NHSL2: variants seen among roughly 807,000 people sequenced by gnomAD.
NHSL2 encodes NHS-like protein 2.
In NHSL2, 27 loss-of-function variants were observed where a neutral mutation model predicts 53.4. The observed-to-expected ratio is 0.51, with a 90% CI of 0.37 to 0.70. The LOEUF (loss-of-function observed/expected upper bound fraction) is 0.70. NHSL2 is among the 30% of genes least tolerant of loss of function. The pLI is 0.00. For missense variants in NHSL2, 892 were observed against 980.1 expected (o/e 0.91, Z 1.20); for synonymous variants, 408 against 404.1 (o/e 1.01, Z -0.12).
intron 1 of NHSL2, among the ~76,000 whole-genome samples, chrX:71,983,441 CAAA>C (rs55809300): frequency 2.2e-5 from 2 of 91,905 alleles, no homozygotes. Flanking sequence ...CCCACCTCTA[CAAA>C]AAAAAAAAAA....
In NHSL2 at chrX:71,942,972, C is replaced by CTGTGTGTGTGTGTGTGTG. The variant is rs58935869; in HGVS notation, c.280+31623_280+31640dup. 3.2e-3 allele frequency among the ~76,000 whole-genome samples: 238 copies of CTGTGTGTGTGTGTGTGTG among 74,017 alleles called. 2 individuals are homozygous for CTGTGTGTGTGTGTGTGTG. The highest frequency in any genetic ancestry group is 0.013 in the African/African-American group (233 of 18,206). The allele number at this position is 74,017 out of a possible 115,157, so 64.3% of individuals were successfully genotyped here. ...GCTCTCTCTCTCTCTCTCTCTCTCT[C>CTGTGTGTGTGTGTGTGTG]TGTGTGTGTGTGTGTGTGTGTGTGT... On this transcript the variant is annotated intron_variant, in intron 1 of 7. Transcript: ENST00000633930.
At chrX:72,102,463 C>A (rs2042003144) in intron 1 of NHSL2, among the ~76,000 whole-genome samples, 1 of 111,822 alleles carries the variant, frequency 8.9e-6, no homozygotes, top group African/African-American at 3.3e-5. Flanking sequence ...CATTTCACCA[C>A]TCTTAAGATT....
intron 1 of NHSL2, among the ~76,000 whole-genome samples, chrX:72,120,925 C>A (rs187644655): frequency 8.9e-6 from 1 of 112,623 alleles, no homozygotes; most frequent in Non-Finnish European, 1.9e-5. Context: ...CCAAGTGTTG[C>A]TCATTTGTGA....
intron 1 of NHSL2, among the ~76,000 whole-genome samples, chrX:71,920,938 G>A (rs758278367): frequency 9.2e-6 from 1 of 108,862 alleles, no homozygotes; most frequent in Admixed American, 9.7e-5. Flanking sequence ...CTAAGTAGCT[G>A]GGATTACAGG....
intron 1 of NHSL2, among the ~76,000 whole-genome samples, chrX:71,957,299 G>A (rs1235708418): frequency 1.8e-5 from 2 of 112,207 alleles, no homozygotes; most frequent in Non-Finnish European, 3.8e-5. Flanking sequence ...TCATTATGGT[G>A]TGAGCACGTG....
chrX:72,138,289 C>T (rs1253241760), intron 5 of NHSL2, among the ~76,000 whole-genome samples, 152 bp from the exon 6 acceptor site: 1 of 112,469 alleles, frequency 8.9e-6, no homozygotes, highest in African/African-American at 3.2e-5. Flanking sequence ...CCCAATTTCC[C>T]CAGCATCTTC....
chrX:72,128,838 C>CT (rs2042252961), intron 1 of NHSL2: 2 of 113,326 alleles, frequency 1.8e-5, no homozygotes, highest in Admixed American at 1.8e-4. Flanking sequence ...TGACTGGGGG[C>CT]TGCAGTCCAA....
Position 72,144,776 on chromosome X carries a change from G to T in NHSL2, c.*1202G>T. ...GGCTACTTTTTGCCATTTAGGTTCT[G>T]TGTTTGACCAGCTTTCAATTAACCT... On this transcript the variant is annotated 3_prime_UTR_variant, in exon 8 of 8. Coordinates refer to ENST00000633930, the MANE Select transcript of NHSL2 (RefSeq NM_001013627.3). The T allele has an allele frequency of 4.8e-6, 1 of 206,492 alleles. No homozygotes were observed. 17.0% of individuals were successfully genotyped at this position (206,492 alleles called of 1,213,427 possible).
intron 1 of NHSL2, among the ~76,000 whole-genome samples, chrX:72,047,130 C>G (rs2042310117): frequency 9.0e-6 from 1 of 111,242 alleles, no homozygotes; most frequent in Admixed American, 9.5e-5. Context: ...CCCAGCACCC[C>G]CACCCCTGGC....
intron 1 of NHSL2, among the ~76,000 whole-genome samples, chrX:71,949,803 G>A (rs1338056332): frequency 8.9e-6 from 1 of 112,899 alleles, no homozygotes; most frequent in Non-Finnish European, 1.9e-5. Context: ...CAGGCTCATC[G>A]GAAACTCGAA....
rs867252165 is a variant in NHSL2 at position 71,979,780 on chromosome X, T to A, written c.280+68413T>A. ...CTTTAGTTTAATTAGATCCCATTTG[T>A]CAATTTTGGCTTTTGTTGCCATTGC... On this transcript the variant is annotated intron_variant, in intron 1 of 7. Coordinates refer to ENST00000633930, the MANE Select transcript of NHSL2 (RefSeq NM_001013627.3). Among the ~76,000 whole-genome samples, 270 of 111,651 alleles carry A rather than the reference T, an allele frequency of 2.4e-3. 1 individual carries two copies. Among genetic ancestry groups the A allele is most frequent in the Non-Finnish European group, 2.7e-3 (141 of 53,055 alleles).
intron 1 of NHSL2, among the ~76,000 whole-genome samples, chrX:71,932,011 C>G (rs887615110): frequency 1.8e-5 from 2 of 112,507 alleles, no homozygotes; most frequent in Non-Finnish European, 3.7e-5. Flanking sequence ...TGAGCACCTA[C>G]CATGTGCCAG....
At chrX:72,069,539 G>A (rs995138751) in intron 1 of NHSL2, 51 of 359,664 alleles carry the variant, frequency 1.4e-4, no homozygotes, top group Non-Finnish European at 2.2e-4. Context: ...GAAGAGCCAT[G>A]TGTGTGAGAA....
At chrX:71,947,664 A>G (rs1441818124) in intron 1 of NHSL2, among the ~76,000 whole-genome samples, 1 of 112,127 alleles carries the variant, frequency 8.9e-6, no homozygotes, top group Non-Finnish European at 1.9e-5. Context: ...TGATGATGTT[A>G]TTCAAGTTGT....
chrX:72,142,399 G>A, intron 7 of NHSL2, 35 bp downstream of exon 7: 2 of 1,042,530 alleles, frequency 1.9e-6, no homozygotes, highest in South Asian at 2.5e-5. Flanking sequence ...AATTGCAATT[G>A]CCTTCCCTTT....
chrX:72,094,082 CTAGTA>C (rs1271630624), intron 1 of NHSL2, among the ~76,000 whole-genome samples: 1 of 111,307 alleles, frequency 9.0e-6, no homozygotes, highest in Non-Finnish European at 1.9e-5. Context: ...GTGCCCAGCC[CTAGTA>C]TAGCTTTATG....
At chrX:71,963,958 T>TAC (rs774683756) in intron 1 of NHSL2, among the ~76,000 whole-genome samples, 196 of 6,430 alleles carry the variant, frequency 0.03, 17 homozygotes, top group African/African-American at 0.089. Flanking sequence ...GCTATATATA[T>TAC]ACACATATAT....
intron 1 of NHSL2, among the ~76,000 whole-genome samples, chrX:71,911,909 C>T (rs1195726827): frequency 8.9e-6 from 1 of 111,997 alleles, no homozygotes; most frequent in Non-Finnish European, 1.9e-5. Flanking sequence ...GTGGACGCGG[C>T]TCCCACTCAC....
intron 1 of NHSL2, among the ~76,000 whole-genome samples, chrX:71,975,471 A>T (rs752341135): frequency 9.1e-6 from 1 of 109,858 alleles, no homozygotes; most frequent in Non-Finnish European, 1.9e-5. Flanking sequence ...CTCTCTCCCC[A>T]TCAGTAAATG....
Sources: gnomAD v4.1 joint callset for allele counts (sites outside exome capture counted in the v4.1 genomes callset) on GRCh38, gnomAD v4.1.1 for gene constraint, MANE v1.5 for transcripts, NCBI Gene and HGNC (gene_info 2026-07-23, HGNC 2026-07-21) for gene names.